Variants in KCNAB1 observed in about 807,000 individuals in gnomAD.
The protein encoded by KCNAB1 is potassium voltage-gated channel subfamily A regulatory beta subunit 1.
KCNAB1 carries 35 observed loss-of-function variants against 64.6 expected under a neutral mutation model. The ratio of observed to expected loss-of-function variants is 0.54; its 90% CI spans 0.41 to 0.72. The LOEUF is 0.72. Among genes scored for constraint, KCNAB1 ranks in the 30% least tolerant of loss-of-function variants. KCNAB1 has a pLI of 0.00. For synonymous variants in KCNAB1, 177 were observed against 183.8 expected, an observed-to-expected ratio of 0.96 and a Z score of 0.30; for missense variants, 401 against 512.9, an observed-to-expected ratio of 0.78 and a Z score of 2.11.
intron 1 of KCNAB1, among the ~76,000 whole-genome samples, chr3:156,404,993 A>G (rs1005479991): frequency 6.6e-6 from 1 of 152,254 alleles, no homozygotes; most frequent in Non-Finnish European, 1.5e-5. Flanking sequence ...TATAAACTTT[A>G]GACAAGCCTA....
intron 1 of KCNAB1, chr3:156,176,877 A>G (rs1712413547): frequency 4.3e-6 from 5 of 1,159,580 alleles, no homozygotes; most frequent in South Asian, 1.3e-5. Context: ...GACCAGCGGT[A>G]ACTCTGGGCC....
chr3:156,249,154 A>G (rs111667115), intron 1 of KCNAB1, among the ~76,000 whole-genome samples: 2 of 152,188 alleles, frequency 1.3e-5, no homozygotes, highest in African/African-American at 4.8e-5. Context: ...ATGGAGAAAA[A>G]TAAATTAATT....
intron 8 of KCNAB1, among the ~76,000 whole-genome samples, chr3:156,485,287 A>G (rs979843857): frequency 9.2e-5 from 14 of 152,136 alleles, no homozygotes; most frequent in African/African-American, 3.1e-4. Context: ...AAAAACTTAT[A>G]GAAATGGTGA....
intron 2 of KCNAB1, among the ~76,000 whole-genome samples, chr3:156,448,613 C>T (rs898071383): frequency 6.6e-6 from 1 of 152,182 alleles, no homozygotes; most frequent in African/African-American, 2.4e-5. Flanking sequence ...TTCCCTTGGC[C>T]TTTTTCCACA....
chr3:156,327,824 G>T (rs1057159312), intron 1 of KCNAB1, among the ~76,000 whole-genome samples: 4 of 152,106 alleles, frequency 2.6e-5, no homozygotes, highest in African/African-American at 9.7e-5. Flanking sequence ...TTCCAGATAG[G>T]TGGCTTTCTT....
intron 1 of KCNAB1, among the ~76,000 whole-genome samples, chr3:156,270,179 G>T (rs983234867): frequency 5.3e-5 from 8 of 152,114 alleles, no homozygotes; most frequent in Admixed American, 2.0e-4. Flanking sequence ...GCCTCCCAAA[G>T]TGCTGGGATT....
intron 1 of KCNAB1, among the ~76,000 whole-genome samples, chr3:156,289,250 C>T (rs1720258416): frequency 6.6e-6 from 1 of 152,206 alleles, no homozygotes; most frequent in South Asian, 2.1e-4. Flanking sequence ...TCTCTGAGCC[C>T]CCCACACATC....
At chr3:156,282,241 A>G (rs1324979713) in intron 1 of KCNAB1, among the ~76,000 whole-genome samples, 1 of 149,300 alleles carries the variant, frequency 6.7e-6, no homozygotes, top group Non-Finnish European at 1.5e-5. Flanking sequence ...GTCATTCAGG[A>G]GCAGGTTGTT....
At chr3:156,135,807 A>T (rs1253897488) in intron 1 of KCNAB1, among the ~76,000 whole-genome samples, 1 of 152,218 alleles carries the variant, frequency 6.6e-6, no homozygotes, top group Non-Finnish European at 1.5e-5. Flanking sequence ...GAAGATAGAT[A>T]AGCCCCATGG....
intron 1 of KCNAB1, among the ~76,000 whole-genome samples, chr3:156,150,000 T>C (rs1715306574): frequency 6.6e-6 from 1 of 152,198 alleles, no homozygotes; most frequent in Non-Finnish European, 1.5e-5. Flanking sequence ...GGGGTTGTAT[T>C]AAAAAATGTC....
At chr3:156,502,382 A>T (rs1162935606) in intron 8 of KCNAB1, among the ~76,000 whole-genome samples, 1 of 152,132 alleles carries the variant, frequency 6.6e-6, no homozygotes, top group Non-Finnish European at 1.5e-5. Context: ...AGAAACAGAC[A>T]CTAGCATTTA....
At chr3:156,131,446 T>C (rs1713989843) in intron 1 of KCNAB1, among the ~76,000 whole-genome samples, 1 of 152,218 alleles carries the variant, frequency 6.6e-6, no homozygotes, top group East Asian at 1.9e-4. Flanking sequence ...AAAATTAAAC[T>C]AGGCTTCCCG....
intron 1 of KCNAB1, among the ~76,000 whole-genome samples, chr3:156,261,619 A>G (rs1159640090): frequency 6.6e-6 from 1 of 152,058 alleles, no homozygotes; most frequent in Non-Finnish European, 1.5e-5. Flanking sequence ...TCCTTTGCCA[A>G]TACCACACTC....
At chr3:156,392,490 C>T (rs1172859262) in intron 1 of KCNAB1, among the ~76,000 whole-genome samples, 1 of 152,172 alleles carries the variant, frequency 6.6e-6, no homozygotes, top group Non-Finnish European at 1.5e-5. Flanking sequence ...CTTTCTACTC[C>T]TAGCCTTACT....
At chr3:156,412,320 T>A (rs922676575) in intron 1 of KCNAB1, among the ~76,000 whole-genome samples, 6 of 152,232 alleles carry the variant, frequency 3.9e-5, no homozygotes, top group African/African-American at 7.2e-5. Context: ...ATATCTTCGA[T>A]GAGAGACAGT....
chr3:156,345,078 C>T (rs951125791), intron 1 of KCNAB1, among the ~76,000 whole-genome samples: 3 of 152,212 alleles, frequency 2.0e-5, no homozygotes, highest in African/African-American at 7.2e-5. Context: ...TAATTGCATG[C>T]TGTGTTCAGC....
rs1425401183 is a variant in KCNAB1 at position 156,436,449 on chromosome 3, G to A, written c.319+14790G>A. ...GTATACCCAGTAATGGGATTGCTGG[G>A]TCAAATGGTATTTCTGGATCTAGGT... On this transcript the variant is annotated intron_variant, in intron 2 of 13. Transcript: ENST00000490337. Among the ~76,000 whole-genome samples, 3 of 152,288 alleles carry A rather than the reference G, an allele frequency of 2.0e-5. No homozygotes were observed. In the East Asian group the frequency reaches 5.8e-4, roughly 29 times the overall value.
intron 7 of KCNAB1, among the ~76,000 whole-genome samples, chr3:156,466,920 T>C (rs1302913650): frequency 6.6e-6 from 1 of 152,122 alleles, no homozygotes; most frequent in African/African-American, 2.4e-5. Context: ...TAAGAGTTTA[T>C]ACTAGTTCGT....
chr3:156,491,349 A>G (rs1027870071), intron 8 of KCNAB1, among the ~76,000 whole-genome samples: 2 of 152,132 alleles, frequency 1.3e-5, no homozygotes, highest in South Asian at 4.1e-4. Context: ...CCAGGAAAAC[A>G]AAAAGGAACT....
Sources: allele counts gnomAD v4.1 joint callset (sites outside exome capture counted in the v4.1 genomes callset), GRCh38; gene constraint gnomAD v4.1.1; transcripts MANE v1.5; gene names NCBI Gene and HGNC (gene_info 2026-07-23, HGNC 2026-07-21).